Variants in DHX36 observed in about 807,000 individuals in gnomAD.
The protein encoded by DHX36 is ATP-dependent DNA/RNA helicase DHX36.
Under a neutral mutation model 139.0 loss-of-function variants are expected in DHX36, and 50 were observed. The ratio of observed to expected loss-of-function variants is 0.36; its 90% CI spans 0.29 to 0.46. DHX36 has a LOEUF of 0.46. DHX36 is among the 20% of genes least tolerant of loss of function. DHX36 has a pLI of 1.00. For missense variants in DHX36, 1,024 were observed against 1,211.3 expected (o/e 0.85, Z 2.29); for synonymous variants, 425 against 401.9 (o/e 1.06, Z -0.69).
At chr3:154,307,343 G>T (rs1272531585) in intron 5 of DHX36, among the ~76,000 whole-genome samples, 1 of 152,032 alleles carries the variant, frequency 6.6e-6, no homozygotes, top group Non-Finnish European at 1.5e-5. Flanking sequence ...TTTCCAGAAC[G>T]GAAGAAAATA....
chr3:154,306,257 A>C lies in DHX36; in HGVS notation c.852T>G (p.Cys284Trp). The C allele has an allele frequency of 6.2e-7, 1 of 1,613,814 alleles. No individual in the cohort carries two copies. Among genetic ancestry groups the C allele is most frequent in the Non-Finnish European group, 8.5e-7 (1 of 1,179,874 alleles). ...GATATCCAGTACTATTACCACTGCC[A>C]CAAGATTCTGCCCTTTCTGCAGCTA... ...ERVAAERAES[C>W]GSGNSTGYQI... The change falls in exon 6 of 25, where the codon TGT becomes TGG. Residue 284 changes from cysteine (C) to tryptophan (W), a missense_variant. By Grantham distance (215) the Cys-to-Trp change is radical (BLOSUM62 -2). Transcript: ENST00000496811.
chr3:154,304,681 A>G (rs899376104), intron 8 of DHX36, 125 bp downstream of exon 8: 2 of 731,890 alleles, frequency 2.7e-6, no homozygotes, highest in Admixed American at 3.7e-5. Context: ...GGAGGGTAGA[A>G]TAATATTAAA....
chr3:154,292,452 G>A (rs1711860200), intron 15 of DHX36, 99 bp downstream of exon 15: 2 of 1,478,556 alleles, frequency 1.4e-6, no homozygotes, highest in Non-Finnish European at 1.9e-6. Flanking sequence ...TAATAAGAAA[G>A]GTAACTCTTT....
intron 12 of DHX36, among the ~76,000 whole-genome samples, chr3:154,299,312 G>C (rs1467608281): frequency 6.6e-6 from 1 of 152,114 alleles, no homozygotes; most frequent in Non-Finnish European, 1.5e-5. Flanking sequence ...AAATTAAATA[G>C]AATTTTCTTT....
At chr3:154,320,122 T>C (rs922061566) in intron 1 of DHX36, among the ~76,000 whole-genome samples, 5 of 152,194 alleles carry the variant, frequency 3.3e-5, no homozygotes, top group African/African-American at 9.6e-5. Flanking sequence ...CTTGCCACTA[T>C]CAATTACTTC....
In DHX36 at chr3:154,273,580, G is replaced by A. The variant is rs2108325681; in HGVS notation, c.*2591C>T. 6.6e-6 allele frequency: 1 copy of A among 152,302 alleles called. No homozygotes were observed. The highest frequency in any genetic ancestry group is 1.5e-5 in the Non-Finnish European group (1 of 68,018). 9.4% of individuals were successfully genotyped at this position (152,302 alleles called of 1,614,324 possible). The stretch of plus-strand genomic sequence containing the variant: ...ACCAGATGGTCACCTCGACGTTAGA[G>A]GCAAAACCAGTATGCTCTAATATTG... On this transcript the variant is annotated 3_prime_UTR_variant, in exon 25 of 25. Coordinates refer to ENST00000496811, the MANE Select transcript of DHX36 (RefSeq NM_020865.3).
At chr3:154,280,994 A>G in intron 20 of DHX36, 132 bp from the exon 21 acceptor site, 2 of 691,300 alleles carry the variant, frequency 2.9e-6, no homozygotes, top group Non-Finnish European at 4.7e-6. Context: ...CATGTTTTAA[A>G]GCAAGGGTTG....
rs920921740 is a variant in DHX36, at chr3:154,274,477, C to T, written c.*1694G>A. ...TGAAGCTTACCGGCATTATCAAAGG[C>T]TCTGGTGAGTTCTATCTTTCCACTG... On this transcript the variant is annotated 3_prime_UTR_variant, in exon 25 of 25. Transcript: ENST00000496811. 2 of 152,568 alleles carry T rather than the reference C, an allele frequency of 1.3e-5. No individual in the cohort carries two copies. Among genetic ancestry groups the T allele is most frequent in the Non-Finnish European group, 2.9e-5 (2 of 68,376 alleles). The allele number at this position is 152,568 out of a possible 1,614,324, so 9.5% of individuals were successfully genotyped here. A position where few individuals can be genotyped will look rare whatever the true frequency, so the allele number is the denominator to read the frequency against.
intron 8 of DHX36, 63 bp from the exon 9 acceptor site, chr3:154,303,473 T>C: frequency 8.4e-7 from 1 of 1,190,372 alleles, no homozygotes; most frequent in African/African-American, 1.5e-5. Flanking sequence ...ATTAATATAC[T>C]GTAAATAGGA....
At chr3:154,293,022 T>C (rs1711884231) in intron 14 of DHX36, among the ~76,000 whole-genome samples, 1 of 152,122 alleles carries the variant, frequency 6.6e-6, no homozygotes, top group Non-Finnish European at 1.5e-5. Flanking sequence ...CCTAGCACTA[T>C]GGGAGCCCCA....
chr3:154,324,438 G>C lies in DHX36; in HGVS notation c.-22C>G, dbSNP rs778388917. Reference sequence around the variant, plus strand: ...TCATTGTCCTGGCAGACTACAACCCGTCAGAACCAGCAACCGCTGGAAATG... The same window carrying C: ...TCATTGTCCTGGCAGACTACAACCCCTCAGAACCAGCAACCGCTGGAAATG... On this transcript the variant is annotated 5_prime_UTR_variant, in exon 1 of 25. Transcript: ENST00000496811. The C allele has an allele frequency of 4.1e-6, 6 of 1,460,286 alleles. No homozygotes were observed. The highest frequency in any genetic ancestry group is 3.0e-5 in the South Asian group (2 of 67,378). The allele number at this position is 1,460,286 out of a possible 1,614,324, so 90.5% of individuals were successfully genotyped here.
chr3:154,282,357 TTC>T (rs967335809), intron 20 of DHX36, among the ~76,000 whole-genome samples: 4 of 152,158 alleles, frequency 2.6e-5, no homozygotes, highest in Non-Finnish European at 5.9e-5. Flanking sequence ...GGGGTGTCCA[TTC>T]TGTTCCTTGT....
Position 154,284,860 on chromosome 3 carries a change from G to GT in DHX36, c.2158dup (p.Thr720AsnfsTer5). ...TTTGAAACTGAGACTAGCAGCAATA[G>GT]TGAGTACTGGGTCTAAGCAGCAGAA... is the stretch of plus-strand genomic sequence containing the variant. On this transcript the variant is annotated frameshift_variant, in exon 18 of 25. Transcript: ENST00000496811. LOFTEE classifies it high-confidence loss of function. The GT allele has an allele frequency of 6.2e-7, 1 of 1,614,122 alleles. No individual in the cohort carries two copies.
rs1445178962 is a variant in DHX36 at position 154,315,182 on chromosome 3, C to G, written c.467G>C (p.Arg156Thr). Residue 156 changes from arginine (R) to threonine (T), a missense_variant, in exon 3 of 25, where the codon AGA becomes ACA. Around this residue, in one of 4 missense-constraint regions of DHX36, gnomAD observed 293 missense variants for 274.4 expected, o/e 1.07. Coordinates refer to ENST00000496811, the MANE Select transcript of DHX36 (RefSeq NM_020865.3). Reference sequence around the variant, plus strand: ...GTCAATATATGATCTGTTCCTGATTCTAAACATTTTTTTTTCTTGATTTAT... The same window carrying G: ...GTCAATATATGATCTGTTCCTGATTGTAAACATTTTTTTTTCTTGATTTAT... ...KLINQEKKMF[R>T]IRNRSYIDRD... 19 of 1,613,010 alleles carry G rather than the reference C, an allele frequency of 1.2e-5. No individual in the cohort carries two copies. Among genetic ancestry groups the G allele is most frequent in the Non-Finnish European group, 8.5e-7 (1 of 1,179,588 alleles).
intron 1 of DHX36, among the ~76,000 whole-genome samples, 163 bp downstream of exon 1, chr3:154,324,011 G>A (rs1259216766): frequency 6.6e-6 from 1 of 152,208 alleles, no homozygotes; most frequent in Non-Finnish European, 1.5e-5. Context: ...ATGTTACGCA[G>A]TACACCCGCT....
intron 22 of DHX36, chr3:154,279,650 A>G (rs1160131378): frequency 6.6e-6 from 1 of 152,220 alleles, no homozygotes; most frequent in Non-Finnish European, 1.5e-5. Context: ...ATCTCCAGAC[A>G]CTTTCCAATG....
intron 17 of DHX36, among the ~76,000 whole-genome samples, chr3:154,285,555 T>C (rs776493590): frequency 1.3e-5 from 2 of 152,078 alleles, no homozygotes; most frequent in Non-Finnish European, 2.9e-5. Flanking sequence ...ATGAGAGACA[T>C]CTAGGGGAGG....
At chr3:154,311,730 T>C (rs1196071470) in intron 3 of DHX36, 56 bp from the exon 4 acceptor site, 34 of 1,421,334 alleles carry the variant, frequency 2.4e-5, no homozygotes, top group Non-Finnish European at 3.3e-5. Context: ...CAAATTATAA[T>C]CATGGTATTT....
At chr3:154,283,104 G>C in intron 20 of DHX36, 84 bp downstream of exon 20, 1 of 1,064,746 alleles carries the variant, frequency 9.4e-7, no homozygotes, top group Non-Finnish European at 1.4e-6. Context: ...TGACTTTTTT[G>C]CTATAGATCT....
Sources: allele counts gnomAD v4.1 joint callset (sites outside exome capture counted in the v4.1 genomes callset), GRCh38; gene constraint gnomAD v4.1.1; regional missense constraint gnomAD v4.1.1; transcripts MANE v1.5; gene names NCBI Gene and HGNC (gene_info 2026-07-23, HGNC 2026-07-21).